The following SLC2A9 variants were observed in gnomAD, a reference collection of about 807,000 sequenced individuals.
SLC2A9 encodes the protein solute carrier family 2 member 9, also known as solute carrier family 2, facilitated glucose transporter member 9.
SLC2A9 carries 39 observed loss-of-function variants against 50.6 expected under a neutral mutation model. That is an observed-to-expected ratio of 0.77 (90% CI 0.60 to 1.01). The LOEUF (loss-of-function observed/expected upper bound fraction) is 1.01, where lower values mean the gene tolerates loss of function less well. Ranked by LOEUF, SLC2A9 falls within the 50% of genes least tolerant of loss-of-function variation. The pLI is 0.00. For synonymous variants in SLC2A9, 324 were observed against 276.9 expected, an observed-to-expected ratio of 1.17 and a Z score of -1.69; for missense variants, 686 against 677.6, an observed-to-expected ratio of 1.01 and a Z score of -0.14.
At chr4:10,019,432 C>G in intron 1 of SLC2A9, 1 of 371,634 alleles carries the variant, frequency 2.7e-6, no homozygotes, top group Non-Finnish European at 5.0e-6. Context: ...AAGCCAGACT[C>G]CAAGCGCTAT....
At chr4:9,828,241 A>T (rs532532214) in intron 11 of SLC2A9, among the ~76,000 whole-genome samples, 2 of 152,210 alleles carry the variant, frequency 1.3e-5, no homozygotes, top group Non-Finnish European at 2.9e-5. Context: ...ATGTATTCCA[A>T]ATCTGAGGGT....
intron 2 of SLC2A9, among the ~76,000 whole-genome samples, chr4:10,001,758 G>A (rs1159989781): frequency 2.0e-5 from 3 of 152,158 alleles, no homozygotes; most frequent in Non-Finnish European, 2.9e-5. Context: ...TGACCATTTA[G>A]TCAATGTCAA....
At chr4:9,867,425 A>G (rs1732668780) in intron 10 of SLC2A9, among the ~76,000 whole-genome samples, 2 of 152,136 alleles carry the variant, frequency 1.3e-5, no homozygotes, top group African/African-American at 2.4e-5. Context: ...TTGTGAAAGG[A>G]GATAATGCAG....
At chr4:9,860,985 G>T (rs1044056025) in intron 10 of SLC2A9, among the ~76,000 whole-genome samples, 1 of 152,070 alleles carries the variant, frequency 6.6e-6, no homozygotes, top group African/African-American at 2.4e-5. Flanking sequence ...GCCTTCCCTG[G>T]CTACCCTAAG....
At chr4:9,885,524 C>T (rs1468455149) in intron 10 of SLC2A9, among the ~76,000 whole-genome samples, 1 of 152,186 alleles carries the variant, frequency 6.6e-6, no homozygotes, top group East Asian at 1.9e-4. Context: ...TTTGAAAAAC[C>T]CTGCTGCCAG....
At chr4:9,875,609 A>C (rs1040076518) in intron 10 of SLC2A9, among the ~76,000 whole-genome samples, 1 of 152,204 alleles carries the variant, frequency 6.6e-6, no homozygotes, top group Admixed American at 6.5e-5. Context: ...TGTAGACCTT[A>C]AGAACTCTGG....
intron 10 of SLC2A9, among the ~76,000 whole-genome samples, chr4:9,851,954 C>T (rs1313732850): frequency 5.9e-5 from 9 of 152,180 alleles, no homozygotes; most frequent in African/African-American, 1.9e-4. Context: ...TCACTGGTGT[C>T]TCTGAAAGCA....
intron 10 of SLC2A9, among the ~76,000 whole-genome samples, chr4:9,873,645 T>G (rs1204549725): frequency 6.6e-6 from 1 of 152,176 alleles, no homozygotes; most frequent in African/African-American, 2.4e-5. Context: ...GCCAGACCAA[T>G]GAGTGAGGCT....
downstream of SLC2A9, among the ~76,000 whole-genome samples, chr4:9,795,050 C>T (rs1399467110): frequency 2.3e-5 from 3 of 131,726 alleles, no homozygotes; most frequent in Admixed American, 2.6e-4. Context: ...CTCACTCTGT[C>T]ACCCAGGCTG....
intron 10 of SLC2A9, among the ~76,000 whole-genome samples, chr4:9,875,526 T>C (rs1387968229): frequency 1.3e-5 from 2 of 152,218 alleles, no homozygotes; most frequent in Non-Finnish European, 1.5e-5. Flanking sequence ...TAACCTGACA[T>C]CCATTCACCC....
At chr4:9,814,320 G>A (rs938239112) in intron 3 of SLC2A9, among the ~76,000 whole-genome samples, 2 of 152,140 alleles carry the variant, frequency 1.3e-5, no homozygotes, top group Non-Finnish European at 2.9e-5. Context: ...CCTAGCACAA[G>A]CATAAAGTAA....
At position 9,981,654 on chromosome 4, in the gene SLC2A9, C is replaced by T. The variant is rs142956580; in HGVS notation, c.536-917G>A. On this transcript the variant is annotated intron_variant, in intron 4 of 11. Coordinates refer to ENST00000264784, the MANE Select transcript of SLC2A9 (RefSeq NM_020041.3). Reference sequence around the variant, plus strand: ...GCACTTTTCCCACCAGCTAACATTGCCTCTTGTCATAAATTATGGGACTCC... The same window carrying T: ...GCACTTTTCCCACCAGCTAACATTGTCTCTTGTCATAAATTATGGGACTCC... Among the ~76,000 whole-genome samples the T allele has an allele frequency of 5.6e-4, 86 of 152,266 alleles. 1 individual carries two copies. The East Asian group carries it at 0.016, about 28-fold the overall frequency.
intron 2 of SLC2A9, among the ~76,000 whole-genome samples, chr4:10,016,183 T>C (rs1447604996): frequency 6.6e-5 from 10 of 152,170 alleles, no homozygotes; most frequent in Non-Finnish European, 1.5e-5. Context: ...AGCTCCGATA[T>C]CCCAAACAAG....
intron 5 of SLC2A9, among the ~76,000 whole-genome samples, chr4:9,959,184 A>G (rs528230270): frequency 1.3e-5 from 2 of 151,238 alleles, no homozygotes; most frequent in Non-Finnish European, 2.9e-5. Flanking sequence ...CAGCTTGGCC[A>G]ATCTCTTTAG....
At chr4:9,985,894 T>G in intron 3 of SLC2A9, 101 bp from the exon 4 acceptor site, 1 of 1,537,704 alleles carries the variant, frequency 6.5e-7, no homozygotes, top group Non-Finnish European at 8.9e-7. Context: ...GAAGGGTGAG[T>G]AGAGCAAGAC....
At chr4:10,033,620 G>C (rs112298408) in intron 1 of SLC2A9, among the ~76,000 whole-genome samples, 1 of 152,224 alleles carries the variant, frequency 6.6e-6, no homozygotes, top group Non-Finnish European at 1.5e-5. Context: ...CTTGGTCCAT[G>C]TCTAAGGGGC....
At chr4:9,984,540 C>T (rs1036302209) in intron 4 of SLC2A9, among the ~76,000 whole-genome samples, 5 of 152,182 alleles carry the variant, frequency 3.3e-5, no homozygotes, top group Admixed American at 6.5e-5. Context: ...GGCTCAGAGC[C>T]ATTAAGTAAC....
chr4:9,938,136 A>T (rs1353096578), intron 6 of SLC2A9, among the ~76,000 whole-genome samples: 1 of 152,224 alleles, frequency 6.6e-6, no homozygotes, highest in Non-Finnish European at 1.5e-5. Context: ...AAGCAGATAC[A>T]CGATTACTTA....
intron 10 of SLC2A9, among the ~76,000 whole-genome samples, chr4:9,885,383 AT>A (rs1344712341): frequency 1.3e-5 from 2 of 152,180 alleles, no homozygotes; most frequent in Non-Finnish European, 2.9e-5. Context: ...CTTTTGCTCC[AT>A]GCAATTGGCT....
Sources: allele counts gnomAD v4.1 joint callset (sites outside exome capture counted in the v4.1 genomes callset), GRCh38; gene constraint gnomAD v4.1.1; transcripts MANE v1.5; gene names NCBI Gene and HGNC (gene_info 2026-07-23, HGNC 2026-07-21).